Variants in PCDHAC1 observed in about 807,000 individuals in gnomAD.
PCDHAC1 encodes the protein protocadherin alpha-C1.
A neutral mutation model predicts 60.0 loss-of-function variants in PCDHAC1; 42 were observed. The ratio of observed to expected loss-of-function variants is 0.70; its 90% CI spans 0.55 to 0.90. The LOEUF is 0.90. PCDHAC1 is among the 40% of genes least tolerant of loss of function. The pLI is 0.00. For missense variants in PCDHAC1, 1,160 were observed against 1,222.3 expected, an observed-to-expected ratio of 0.95 and a Z score of 0.76; for synonymous variants, 468 against 499.3, an observed-to-expected ratio of 0.94 and a Z score of 0.84.
chr5:140,927,956 C>G lies in PCDHAC1; in HGVS notation c.1064C>G (p.Pro355Arg). The change falls in exon 1 of 4, where the codon CCT becomes CGT. Residue 355 changes from proline (P) to arginine (R), a missense_variant. Pro to Arg is a moderately radical substitution (Grantham distance 103). Around this residue, in one of 3 missense-constraint regions of PCDHAC1, gnomAD observed 1,113 missense variants for 1,163.7 expected, o/e 0.96. Coordinates refer to ENST00000253807, the MANE Select transcript of PCDHAC1 (RefSeq NM_018898.5). ...LSNPVPEDAA[P>R]GTVIALFSVK... ...AACCCAGTACCTGAGGACGCTGCCCCTGGCACAGTGATTGCTCTCTTTAGT... is the reference window on the plus strand; with the variant it reads ...AACCCAGTACCTGAGGACGCTGCCCGTGGCACAGTGATTGCTCTCTTTAGT... The G allele has an allele frequency of 6.2e-7, 1 of 1,614,224 alleles. No individual in the cohort carries two copies.
At chr5:140,968,150 A>G (rs1554230413) in intron 1 of PCDHAC1, 2 of 1,614,180 alleles carry the variant, frequency 1.2e-6, no homozygotes, top group Admixed American at 1.7e-5. Flanking sequence ...GATCTCTGAC[A>G]TCAATGACAA....
At chr5:140,954,512 T>C (rs2095046956) in intron 1 of PCDHAC1, among the ~76,000 whole-genome samples, 1 of 152,254 alleles carries the variant, frequency 6.6e-6, no homozygotes, top group Non-Finnish European at 1.5e-5. Flanking sequence ...TGCATTTACC[T>C]AATGATCAGT....
intron 1 of PCDHAC1, among the ~76,000 whole-genome samples, chr5:140,964,721 CA>C (rs1340678918): frequency 1.3e-5 from 2 of 151,598 alleles, no homozygotes; most frequent in African/African-American, 4.9e-5. Flanking sequence ...CAAATTACCA[CA>C]GCAAACTGAG....
intron 3 of PCDHAC1, among the ~76,000 whole-genome samples, chr5:140,986,734 C>T (rs2153854061): frequency 6.6e-6 from 1 of 152,260 alleles, no homozygotes; most frequent in Non-Finnish European, 1.5e-5. Context: ...TCTCAAGACC[C>T]CAGGGGATCT....
At position 140,982,360 on chromosome 5, in the gene PCDHAC1, A is replaced by G. The variant is rs1016027722; in HGVS notation, c.2493-115A>G. 59 of 1,527,040 alleles carry G rather than the reference A, an allele frequency of 3.9e-5. No individual in the cohort carries two copies. In the Admixed American group the frequency reaches 8.5e-4, roughly 22 times the overall value. 94.6% of individuals were successfully genotyped at this position (1,527,040 alleles called of 1,614,324 possible). ...TAATTGCTTCAGTTCAAGCATGAGC[A>G]GAATGTGTTAGCTGCAGCCCTGGCT... On this transcript the variant is annotated intron_variant, in intron 2 of 3. Coordinates refer to ENST00000253807, the MANE Select transcript of PCDHAC1 (RefSeq NM_018898.5).
Position 140,941,473 on chromosome 5 carries a change from G to A in PCDHAC1, c.2433+12148G>A, listed in dbSNP as rs192163900. Among the ~76,000 whole-genome samples, 149 of 151,018 alleles carry A rather than the reference G, an allele frequency of 9.9e-4. 1 individual carries two copies. Among genetic ancestry groups the A allele is most frequent in the African/African-American group, 3.5e-3 (143 of 41,138 alleles). Reference sequence around the variant, plus strand: ...TGGGATTACAGGCGCCCACCACCACGCCTGGCTAATTTTTTGTATTTTTAG... The same window carrying A: ...TGGGATTACAGGCGCCCACCACCACACCTGGCTAATTTTTTGTATTTTTAG... On this transcript the variant is annotated intron_variant, in intron 1 of 3. Coordinates refer to ENST00000253807, the MANE Select transcript of PCDHAC1 (RefSeq NM_018898.5).
intron 1 of PCDHAC1, among the ~76,000 whole-genome samples, chr5:140,958,951 A>C (rs1212039253): frequency 6.6e-6 from 1 of 151,992 alleles, no homozygotes; most frequent in Non-Finnish European, 1.5e-5. Flanking sequence ...ATATTATATT[A>C]TTATAATTGT....
At chr5:141,008,704 T>C (rs1485324733) in intron 3 of PCDHAC1, among the ~76,000 whole-genome samples, 1 of 152,236 alleles carries the variant, frequency 6.6e-6, no homozygotes, top group East Asian at 1.9e-4. Context: ...AGTTGGTTTC[T>C]AGTTGCTTGA....
intron 1 of PCDHAC1, among the ~76,000 whole-genome samples, chr5:140,940,057 A>G (rs2092538975): frequency 6.6e-6 from 1 of 152,224 alleles, no homozygotes; most frequent in African/African-American, 2.4e-5. Flanking sequence ...TTCTTAACCA[A>G]ATATAAATAT....
At chr5:140,948,395 T>C (rs1317288202) in intron 1 of PCDHAC1, among the ~76,000 whole-genome samples, 1 of 151,580 alleles carries the variant, frequency 6.6e-6, no homozygotes, top group African/African-American at 2.4e-5. Context: ...TTCTGAAAGG[T>C]TGTGTAATAT....
intron 3 of PCDHAC1, 32 bp from the exon 4 acceptor site, chr5:141,009,595 C>T (rs781807814): frequency 6.2e-7 from 1 of 1,604,124 alleles, no homozygotes; most frequent in Admixed American, 1.7e-5. Context: ...TGTGTTGACC[C>T]TGTTAATGAT....
intron 1 of PCDHAC1, among the ~76,000 whole-genome samples, chr5:140,955,262 CT>C (rs1165777806): frequency 3.9e-5 from 6 of 152,044 alleles, no homozygotes; most frequent in African/African-American, 1.4e-4. Flanking sequence ...TATAAAGGCT[CT>C]TTTTTGGTTC....
intron 1 of PCDHAC1, among the ~76,000 whole-genome samples, chr5:140,935,686 C>T (rs943427521): frequency 3.3e-5 from 5 of 152,108 alleles, no homozygotes; most frequent in Non-Finnish European, 7.4e-5. Flanking sequence ...ATTTACATGG[C>T]TCCAAAATAA....
Position 140,928,854 on chromosome 5 carries a change from G to A in PCDHAC1, c.1962G>A (p.Val654=), listed in dbSNP as rs2085594573. 6.2e-7 allele frequency: 1 copy of A among 1,614,178 alleles called. No individual in the cohort carries two copies. The highest frequency in any genetic ancestry group is 8.5e-7 in the Non-Finnish European group (1 of 1,180,040). Residue 654 remains valine (V), a synonymous_variant, in exon 1 of 4, where the codon GTG becomes GTA. Coordinates refer to ENST00000253807, the MANE Select transcript of PCDHAC1 (RefSeq NM_018898.5). Reference sequence around the variant, plus strand: ...TTTCCTCCTCTGTCACTCTGGGTGTGCTGTTGAGCAACTCTGTCCCTCAGT... The same window carrying A: ...TTTCCTCCTCTGTCACTCTGGGTGTACTGTTGAGCAACTCTGTCCCTCAGT... The part of the protein sequence containing the change: ...PPLSSSVTLG[V]LLSNSVPQLL...
At chr5:140,987,050 C>G (rs781947211) in intron 3 of PCDHAC1, among the ~76,000 whole-genome samples, 34 of 151,840 alleles carry the variant, frequency 2.2e-4, no homozygotes, top group Non-Finnish European at 2.5e-4. Context: ...CCCATCTCTA[C>G]TAAAGTTACA....
intron 1 of PCDHAC1, among the ~76,000 whole-genome samples, chr5:140,948,711 C>CT (rs1443735728): frequency 6.8e-6 from 1 of 147,398 alleles, no homozygotes; most frequent in African/African-American, 2.7e-5. Context: ...GTTCTATCCT[C>CT]TTTTTTATCA....
rs1179807732 is a variant in PCDHAC1 at position 140,927,907 on chromosome 5, G to A, written c.1015G>A (p.Glu339Lys). ...EVTDVNDHAP[E>K]LDFLTLSNPV... ...GACTGACGTGAACGATCATGCCCCC[G>A]AACTGGACTTCCTGACTCTTTCGAA... is the stretch of plus-strand genomic sequence containing the variant. The change falls in exon 1 of 4, where the codon GAA becomes AAA. Residue 339 changes from glutamate (E) to lysine (K), a missense_variant. Glu to Lys is a moderately conservative substitution (Grantham distance 56). Transcript: ENST00000253807. 4.9e-5 allele frequency: 79 copies of A among 1,614,038 alleles called. No homozygotes were observed. Among genetic ancestry groups the A allele is most frequent in the Non-Finnish European group, 6.6e-5 (78 of 1,180,032 alleles).
chr5:140,950,086 T>G (rs1178086288), intron 1 of PCDHAC1, among the ~76,000 whole-genome samples: 1 of 151,946 alleles, frequency 6.6e-6, no homozygotes, highest in Non-Finnish European at 1.5e-5. Flanking sequence ...TATGCTATAG[T>G]TTTCATTTGT....
At chr5:140,987,995 C>T (rs1554249784) in intron 3 of PCDHAC1, among the ~76,000 whole-genome samples, 3 of 152,178 alleles carry the variant, frequency 2.0e-5, no homozygotes, top group African/African-American at 7.2e-5. Flanking sequence ...CATCTCTGAT[C>T]CTTCCCCAGA....
Sources: gnomAD v4.1 joint callset for allele counts (sites outside exome capture counted in the v4.1 genomes callset) on GRCh38, gnomAD v4.1.1 for gene constraint, gnomAD v4.1.1 regional missense constraint, MANE v1.5 for transcripts, NCBI Gene and HGNC (gene_info 2026-07-23, HGNC 2026-07-21) for gene names.